Variants in LCLAT1 observed in about 807,000 individuals in gnomAD.
LCLAT1 encodes the protein lysocardiolipin acyltransferase 1.
LCLAT1 carries 11 observed loss-of-function variants against 30.7 expected under a neutral mutation model. The ratio of observed to expected loss-of-function variants is 0.36; its 90% CI spans 0.23 to 0.59. The LOEUF is 0.59. Ranked by LOEUF, LCLAT1 falls within the 20% of genes least tolerant of loss-of-function variation. The pLI is 0.77. For synonymous variants in LCLAT1, 155 were observed against 151.3 expected, an observed-to-expected ratio of 1.02 and a Z score of -0.18; for missense variants, 402 against 458.6, an observed-to-expected ratio of 0.88 and a Z score of 1.13.
chr2:30,482,125 C>T (rs1683351714), intron 1 of LCLAT1, among the ~76,000 whole-genome samples: 1 of 152,182 alleles, frequency 6.6e-6, no homozygotes, highest in Non-Finnish European at 1.5e-5. Flanking sequence ...CATCTTAAAA[C>T]ACTTAGAAAT....
chr2:30,476,679 A>G, intron 1 of LCLAT1: 1 of 323,200 alleles, frequency 3.1e-6, no homozygotes, highest in Non-Finnish European at 6.2e-6. Flanking sequence ...GTGTAGTAGT[A>G]ATAGTGGAAA....
chr2:30,449,667 A>G (rs904621632), intron 1 of LCLAT1, among the ~76,000 whole-genome samples: 3 of 151,818 alleles, frequency 2.0e-5, no homozygotes, highest in Non-Finnish European at 2.9e-5. Context: ...CGCCTGGCTA[A>G]TTTTGTATTG....
At chr2:30,483,115 A>G (rs1172028221) in intron 1 of LCLAT1, among the ~76,000 whole-genome samples, 28 of 152,186 alleles carry the variant, frequency 1.8e-4, no homozygotes, top group Non-Finnish European at 1.8e-4. Flanking sequence ...TGACAAATGT[A>G]TCTACTAACA....
At chr2:30,522,572 C>CA (rs1294874044) in intron 1 of LCLAT1, among the ~76,000 whole-genome samples, 1 of 152,190 alleles carries the variant, frequency 6.6e-6, no homozygotes, top group East Asian at 1.9e-4. Context: ...CTGTCATATT[C>CA]ACTGTTGTAA....
Position 30,641,923 on chromosome 2 carries a change from G to T in LCLAT1, c.*1304G>T, listed in dbSNP as rs1060737. 3.7e-5 allele frequency: 5 copies of T among 135,866 alleles called. No homozygotes were observed. Among genetic ancestry groups the T allele is most frequent in the South Asian group, 2.4e-4 (1 of 4,096 alleles). The allele number at this position is 135,866 out of a possible 1,614,324, so 8.4% of individuals were successfully genotyped here. On this transcript the variant is annotated 3_prime_UTR_variant, in exon 6 of 6. Transcript: ENST00000379509. Reference sequence around the variant, plus strand: ...TTTTTTTTTTCTTTTTTTTTTTGTCGTGTAAGAAGGATGCTGGTCAGAGCT... The same window carrying T: ...TTTTTTTTTTCTTTTTTTTTTTGTCTTGTAAGAAGGATGCTGGTCAGAGCT...
intron 1 of LCLAT1, among the ~76,000 whole-genome samples, chr2:30,467,607 T>C (rs142024813): frequency 0.13 from 19,265 of 152,184 alleles, 1,354 homozygotes; most frequent in South Asian, 0.23. Flanking sequence ...CTGTTGTTTC[T>C]TGACTTTTTA....
intron 5 of LCLAT1, among the ~76,000 whole-genome samples, chr2:30,576,884 A>T (rs936648093): frequency 2.0e-5 from 3 of 151,878 alleles, no homozygotes; most frequent in African/African-American, 4.8e-5. Context: ...TGTGTTGAGT[A>T]TTGCAAAGTA....
At chr2:30,496,423 T>C (rs1251804308) in intron 1 of LCLAT1, among the ~76,000 whole-genome samples, 1 of 152,204 alleles carries the variant, frequency 6.6e-6, no homozygotes, top group Non-Finnish European at 1.5e-5. Flanking sequence ...TCTGGGCGTC[T>C]TTCTTCCGGG....
intron 5 of LCLAT1, among the ~76,000 whole-genome samples, chr2:30,626,103 C>T (rs749385050): frequency 1.3e-5 from 2 of 152,160 alleles, no homozygotes; most frequent in African/African-American, 2.4e-5. Flanking sequence ...GTAATAGCCA[C>T]GTGCTTCATT....
At chr2:30,453,109 C>G (rs1320014014) in intron 1 of LCLAT1, among the ~76,000 whole-genome samples, 1 of 152,108 alleles carries the variant, frequency 6.6e-6, no homozygotes, top group Non-Finnish European at 1.5e-5. Context: ...TTTTTCCTCT[C>G]AAATAAGAGA....
At chr2:30,518,562 A>G (rs961693860) in intron 1 of LCLAT1, among the ~76,000 whole-genome samples, 16 of 152,224 alleles carry the variant, frequency 1.1e-4, no homozygotes, top group African/African-American at 3.1e-4. Context: ...GCCATGCAAT[A>G]GCCCCTGCAG....
Position 30,617,764 on chromosome 2 carries a change from C to T in LCLAT1, c.629-22353C>T, listed in dbSNP as rs114205267. 7.9e-3 allele frequency among the ~76,000 whole-genome samples: 1,199 copies of T among 152,180 alleles called. 5 individuals carry two copies. Among genetic ancestry groups the T allele is most frequent in the Middle Eastern group, 0.051 (15 of 294 alleles). Reference sequence around the variant, plus strand: ...TAAAGTGTTAATTTAAGCATCTTTTCCTGGGCTTATTTGTCTTTCATATAC... The same window carrying T: ...TAAAGTGTTAATTTAAGCATCTTTTTCTGGGCTTATTTGTCTTTCATATAC... On this transcript the variant is annotated intron_variant, in intron 5 of 5. Transcript: ENST00000379509.
chr2:30,473,564 T>C (rs1405075150), intron 1 of LCLAT1, among the ~76,000 whole-genome samples: 1 of 152,240 alleles, frequency 6.6e-6, no homozygotes, highest in African/African-American at 2.4e-5. Flanking sequence ...CTTTTTGTGT[T>C]GATTTCTTCA....
chr2:30,531,728 C>G (rs1375152223), intron 2 of LCLAT1, among the ~76,000 whole-genome samples: 2 of 152,108 alleles, frequency 1.3e-5, no homozygotes, highest in Admixed American at 6.6e-5. Context: ...TTTTTACTTT[C>G]TAGTATATTT....
chr2:30,520,890 C>CA (rs1685438833), intron 1 of LCLAT1, among the ~76,000 whole-genome samples: 1 of 152,076 alleles, frequency 6.6e-6, no homozygotes, highest in South Asian at 2.1e-4. Context: ...TTGTGACTGT[C>CA]AGAGATGTGT....
chr2:30,520,449 G>C (rs1685422037), intron 1 of LCLAT1, among the ~76,000 whole-genome samples: 1 of 152,168 alleles, frequency 6.6e-6, no homozygotes, highest in African/African-American at 2.4e-5. Flanking sequence ...GAAGCGTAGT[G>C]TAACATTTCA....
intron 3 of LCLAT1, among the ~76,000 whole-genome samples, chr2:30,557,859 CT>C (rs1665002388): frequency 6.6e-6 from 1 of 152,184 alleles, no homozygotes; most frequent in East Asian, 1.9e-4. Context: ...ACATGTATTT[CT>C]TTTATAATGC....
intron 2 of LCLAT1, among the ~76,000 whole-genome samples, chr2:30,530,427 A>C (rs530333016): frequency 7.9e-5 from 12 of 152,340 alleles, no homozygotes; most frequent in East Asian, 7.7e-4. Flanking sequence ...ATTAATGTGG[A>C]CTTGAGATCT....
At chr2:30,498,351 A>G (rs1684216093) in intron 1 of LCLAT1, among the ~76,000 whole-genome samples, 1 of 152,222 alleles carries the variant, frequency 6.6e-6, no homozygotes, top group Non-Finnish European at 1.5e-5. Flanking sequence ...CAGGGGCTGA[A>G]GTGATGATTC....
Sources: allele counts gnomAD v4.1 joint callset (sites outside exome capture counted in the v4.1 genomes callset), GRCh38; gene constraint gnomAD v4.1.1; transcripts MANE v1.5; gene names NCBI Gene and HGNC (gene_info 2026-07-23, HGNC 2026-07-21).